Variants in SPG7 observed in about 807,000 individuals in gnomAD.
SPG7 encodes the protein mitochondrial inner membrane m-AAA protease component paraplegin.
In SPG7, 103 loss-of-function variants were observed where a neutral mutation model predicts 81.9. The ratio of observed to expected loss-of-function variants is 1.26; its 90% CI spans 1.07 to 1.48. The LOEUF is 1.48. SPG7 is among the 40% of genes most tolerant of loss of function. The pLI is 0.00. For missense variants in SPG7, 1,241 were observed against 1,087.3 expected, an observed-to-expected ratio of 1.14 and a Z score of -1.99; for synonymous variants, 534 against 444.2, an observed-to-expected ratio of 1.20 and a Z score of -2.54.
intron 9 of SPG7, among the ~76,000 whole-genome samples, chr16:89,542,546 A>T (rs2058508715): frequency 6.6e-6 from 1 of 152,170 alleles, no homozygotes; most frequent in Non-Finnish European, 1.5e-5. Context: ...TGACGTGTGG[A>T]ACCAGGGAGA....
chr16:89,539,553 T>G (rs1368995892), intron 9 of SPG7: 1 of 152,032 alleles, frequency 6.6e-6, no homozygotes, highest in Non-Finnish European at 1.5e-5. Flanking sequence ...TCCTAAAGAT[T>G]TTCTCCTGTG....
chr16:89,513,745 G>A (rs1270342543), intron 3 of SPG7, among the ~76,000 whole-genome samples: 1 of 36,678 alleles, frequency 2.7e-5, no homozygotes, highest in Non-Finnish European at 5.0e-5. Flanking sequence ...GAGGCCTCTC[G>A]CTGGAAATCA....
Position 89,557,522 on chromosome 16 carries a change from C to A in SPG7, c.*429C>A. On this transcript the variant is annotated 3_prime_UTR_variant, in exon 17 of 17. Coordinates refer to ENST00000645818, the MANE Select transcript of SPG7 (RefSeq NM_003119.4). Reference sequence around the variant, plus strand: ...CTAAGGGGATCGGACATGAAAGGACCCTGTGAGCCGATTGTCCTATCTCCA... The same window carrying A: ...CTAAGGGGATCGGACATGAAAGGACACTGTGAGCCGATTGTCCTATCTCCA... 1 of 228,230 alleles carries A rather than the reference C, an allele frequency of 4.4e-6. No individual in the cohort carries two copies. The allele number at this position is 228,230 out of a possible 1,614,324, so 14.1% of individuals were successfully genotyped here. A position where few individuals can be genotyped will look rare whatever the true frequency, so the allele number is the denominator to read the frequency against.
Position 89,526,447 on chromosome 16 carries a change from A to T in SPG7, c.737A>T (p.Lys246Met). The T allele has an allele frequency of 6.2e-7, 1 of 1,614,252 alleles. No individual in the cohort carries two copies. The highest frequency in any genetic ancestry group is 8.5e-7 in the Non-Finnish European group (1 of 1,180,054). Residue 246 changes from lysine to methionine, a missense_variant, in exon 5 of 17, where the codon AAG becomes ATG. Coordinates refer to ENST00000645818, the MANE Select transcript of SPG7 (RefSeq NM_003119.4). ...EAKDRIPVSY[K>M]RTGFFGNALY... Reference sequence around the variant, plus strand: ...AAGGACAGGATCCCAGTTTCCTACAAGCGAACAGGATTCTTTGGAAAGTAT... The same window carrying T: ...AAGGACAGGATCCCAGTTTCCTACATGCGAACAGGATTCTTTGGAAAGTAT...
intron 2 of SPG7, among the ~76,000 whole-genome samples, chr16:89,511,544 G>A (rs1168059552): frequency 6.6e-6 from 1 of 152,250 alleles, no homozygotes; most frequent in Non-Finnish European, 1.5e-5. Flanking sequence ...TGGCTCATCT[G>A]CTGTCAGTGT....
At position 89,524,199 on chromosome 16, in the gene SPG7, C is replaced by G. The variant is rs750796683; in HGVS notation, c.570C>G (p.Asp190Glu). The G allele has an allele frequency of 1.2e-6, 2 of 1,613,614 alleles. No individual in the cohort carries two copies. Among genetic ancestry groups the G allele is most frequent in the African/African-American group, 1.3e-5 (1 of 74,880 alleles). ...GCGTCCAGGTGGTGCCTGAGAGCGA[C>G]GTGGTGGAAGTCTACCTGCACCCTG... ...VQRVQVVPES[D>E]VVEVYLHPGA... The change falls in exon 4 of 17, where the codon GAC becomes GAG. Residue 190 changes from aspartate (D) to glutamate (E), a missense_variant. Transcript: ENST00000645818.
chr16:89,541,215 G>A (rs894164662), intron 9 of SPG7: 2 of 983,722 alleles, frequency 2.0e-6, no homozygotes, highest in Non-Finnish European at 2.4e-6. Context: ...TAGAAGAGCT[G>A]AAACTGGTGT....
chr16:89,548,911 A>G (rs1354779383), intron 12 of SPG7: 1 of 453,364 alleles, frequency 2.2e-6, no homozygotes, highest in African/African-American at 2.0e-5. Context: ...TTTGCGAGCT[A>G]TCCCTGCGAG....
Position 89,544,687 on chromosome 16 carries a change from C to A in SPG7, c.1364C>A (p.Thr455Lys). The stretch of plus-strand genomic sequence containing the variant: ...GACCATGTCATCGTCCTGGCGTCCA[C>A]GAACCGAGCTGACATTTTGGACGGT... ...TTDHVIVLAS[T>K]NRADILDGAL... is the part of the protein sequence containing the mutation. Residue 455 changes from threonine to lysine, a missense_variant, in exon 10 of 17, where the codon ACG becomes AAG. Thr to Lys is a moderately conservative substitution (Grantham distance 78). Transcript: ENST00000645818. The A allele has an allele frequency of 6.2e-7, 1 of 1,614,068 alleles. No homozygotes were observed. The highest frequency in any genetic ancestry group is 8.5e-7 in the Non-Finnish European group (1 of 1,179,956).
intron 6 of SPG7, chr16:89,530,220 C>T (rs1443365253): frequency 6.3e-6 from 2 of 318,422 alleles, no homozygotes; most frequent in Non-Finnish European, 1.2e-5. Context: ...TCTCAGCTCA[C>T]TGCAACCTCT....
chr16:89,552,648 AG>A, intron 13 of SPG7: 1 of 372,656 alleles, frequency 2.7e-6, no homozygotes, highest in South Asian at 2.2e-5. Flanking sequence ...CGCTGGTGTG[AG>A]GGGTCAGCGC....
Position 89,513,120 on chromosome 16 carries a change from A to G in SPG7, c.376+83A>G, listed in dbSNP as rs1597604894. 4 of 1,532,276 alleles carry G rather than the reference A, an allele frequency of 2.6e-6. No individual in the cohort carries two copies. In the East Asian group the frequency reaches 1.0e-4, roughly 38 times the overall value. 94.9% of individuals were successfully genotyped at this position (1,532,276 alleles called of 1,614,324 possible). On this transcript the variant is annotated intron_variant, in intron 3 of 16. Transcript: ENST00000645818. The stretch of plus-strand genomic sequence containing the variant: ...GTTTTCCTTTTAGCAAGGTGAAACC[A>G]GTCTGGAAAATGGGGAGATGGGCCG...
intron 4 of SPG7, among the ~76,000 whole-genome samples, chr16:89,524,568 C>G (rs188769569): frequency 6.6e-6 from 1 of 152,160 alleles, no homozygotes; most frequent in Non-Finnish European, 1.5e-5. Flanking sequence ...CTCAGCCTCC[C>G]GGGTAGCTGG....
At chr16:89,544,546 G>T (rs758491062) in intron 9 of SPG7, 102 bp from the exon 10 acceptor site, 196 of 1,381,430 alleles carry the variant, frequency 1.4e-4, no homozygotes, top group Non-Finnish European at 1.9e-4. Flanking sequence ...TGGGCCTTAG[G>T]GGGGTCTCTC....
intron 9 of SPG7, chr16:89,536,642 G>A (rs926370878): frequency 1.7e-5 from 20 of 1,181,618 alleles, no homozygotes; most frequent in South Asian, 3.7e-5. Context: ...TGAGGCGGGC[G>A]AGGTGGGCGA....
At chr16:89,520,422 T>C in intron 3 of SPG7, 1 of 184,260 alleles carries the variant, frequency 5.4e-6, no homozygotes, top group Non-Finnish European at 1.1e-5. Flanking sequence ...TGAGATGGAG[T>C]TTCACTCTTC....
In SPG7 at chr16:89,555,795, C is replaced by T. The variant is rs147253066; in HGVS notation, c.2182-1092C>T. On this transcript the variant is annotated intron_variant, in intron 16 of 16. Transcript: ENST00000645818. The stretch of plus-strand genomic sequence containing the variant: ...CTGCTTAGAACTCAGGAGAGGTGCA[C>T]GGCTCTTTGTCCCATGTTGTGAACA... 1.6e-3 allele frequency: 631 copies of T among 398,364 alleles called. 6 individuals are homozygous for T. The highest frequency in any genetic ancestry group is 0.012 in the African/African-American group (572 of 48,582). 24.7% of individuals were successfully genotyped at this position (398,364 alleles called of 1,614,324 possible). A position where few individuals can be genotyped will look rare whatever the true frequency, so the allele number is the denominator to read the frequency against.
Position 89,544,641 on chromosome 16 carries a change from C to T in SPG7, c.1325-7C>T, listed in dbSNP as rs760765705. 2 of 1,613,894 alleles carry T rather than the reference C, an allele frequency of 1.2e-6. No homozygotes were observed. The highest frequency in any genetic ancestry group is 1.1e-5 in the South Asian group (1 of 91,064). ...CCTCAGAGCCACTGTCTGCTCTGTC[C>T]CCTCAGGAATGGGTACCACAGACCA... On this transcript the variant is annotated splice_polypyrimidine_tract_variant and splice_region_variant and intron_variant, in intron 9 of 16. Coordinates refer to ENST00000645818, the MANE Select transcript of SPG7 (RefSeq NM_003119.4).
At chr16:89,532,680 A>T (rs367702457) in intron 9 of SPG7, 44 bp downstream of exon 9, 84 of 1,609,200 alleles carry the variant, frequency 5.2e-5, no homozygotes, top group Non-Finnish European at 6.9e-5. Flanking sequence ...CCATCAGAGG[A>T]GGTTTTCCGA....
Sources: gnomAD v4.1 joint callset for allele counts (sites outside exome capture counted in the v4.1 genomes callset) on GRCh38, gnomAD v4.1.1 for gene constraint, MANE v1.5 for transcripts, NCBI Gene and HGNC (gene_info 2026-07-23, HGNC 2026-07-21) for gene names.